Variants in PCDHGA6 observed in about 807,000 individuals in gnomAD.
The protein encoded by PCDHGA6 is protocadherin gamma subfamily A, 6, also known as protocadherin gamma-A6.
A neutral mutation model predicts 60.6 loss-of-function variants in PCDHGA6; 41 were observed. That is an observed-to-expected ratio of 0.68 (90% CI 0.53 to 0.88). The LOEUF (loss-of-function observed/expected upper bound fraction) is 0.88, where lower values mean the gene tolerates loss of function less well. PCDHGA6 is among the 40% of genes least tolerant of loss of function. The pLI, the probability that PCDHGA6 is intolerant of heterozygous loss-of-function variation, is 0.00. For missense variants in PCDHGA6, 1,312 were observed against 1,203.0 expected (o/e 1.09, Z -1.34); for synonymous variants, 594 against 524.4 (o/e 1.13, Z -1.81).
chr5:141,455,502 A>G (rs888549465), intron 1 of PCDHGA6, among the ~76,000 whole-genome samples: 12 of 152,206 alleles, frequency 7.9e-5, no homozygotes, highest in African/African-American at 2.7e-4. Flanking sequence ...TCTGATTTGC[A>G]TAGGGCTCAG....
rs188827871 is a variant in PCDHGA6, at chr5:141,405,107, T to G, written c.2424+28600T>G. 137 of 1,613,998 alleles carry G rather than the reference T, an allele frequency of 8.5e-5. No homozygotes were observed. The Middle Eastern group carries it at 1.3e-3, about 16-fold the overall frequency. On this transcript the variant is annotated intron_variant, in intron 1 of 3. Coordinates refer to ENST00000517434, the MANE Select transcript of PCDHGA6 (RefSeq NM_018919.3). ...GCTGCTGGCCCTCAGGCTGAGGCAC[T>G]GGCACTCCTCGCATCTGCTGCGGGC...
At chr5:141,398,496 C>G (rs1435117425) in intron 1 of PCDHGA6, 2 of 1,608,668 alleles carry the variant, frequency 1.2e-6, no homozygotes, top group Admixed American at 1.7e-5. Context: ...ATGTGGAGAT[C>G]GAGGACATTA....
intron 1 of PCDHGA6, chr5:141,385,874 A>G (rs1465622834): frequency 6.5e-6 from 1 of 153,030 alleles, no homozygotes; most frequent in Non-Finnish European, 1.5e-5. Context: ...GGTTGGATTT[A>G]TGCCTAAAGA....
chr5:141,496,215 T>C (rs2099767024), intron 2 of PCDHGA6, among the ~76,000 whole-genome samples: 3 of 152,114 alleles, frequency 2.0e-5, no homozygotes, highest in Non-Finnish European at 4.4e-5. Context: ...TATGAATTCC[T>C]GCTGAGACAG....
intron 1 of PCDHGA6, chr5:141,383,917 G>A: frequency 6.2e-7 from 1 of 1,613,928 alleles, no homozygotes; most frequent in Non-Finnish European, 8.5e-7. Flanking sequence ...AGTTTTAGAT[G>A]TAAATGATAA....
At chr5:141,380,772 CTT>C (rs1776732495) in intron 1 of PCDHGA6, among the ~76,000 whole-genome samples, 1 of 152,070 alleles carries the variant, frequency 6.6e-6, no homozygotes, top group Admixed American at 6.6e-5. Context: ...TTAATTGAGA[CTT>C]TTTTAAAACA....
Position 141,405,226 on chromosome 5 carries a change from C to A in PCDHGA6, c.2424+28719C>A, listed in dbSNP as rs756970325. ...TACAGACCTATTCTCAGGAGTTCTCCCTCACCGCTGACTCAAGGAAGAGTC... is the reference window on the plus strand; with the variant it reads ...TACAGACCTATTCTCAGGAGTTCTCACTCACCGCTGACTCAAGGAAGAGTC... On this transcript the variant is annotated intron_variant, in intron 1 of 3. Coordinates refer to ENST00000517434, the MANE Select transcript of PCDHGA6 (RefSeq NM_018919.3). 3.1e-6 allele frequency: 5 copies of A among 1,614,052 alleles called. No individual in the cohort carries two copies. The East Asian group carries it at 1.1e-4, about 36-fold the overall frequency.
At chr5:141,428,196 C>A in intron 1 of PCDHGA6, 2 of 1,383,704 alleles carry the variant, frequency 1.4e-6, no homozygotes, top group Non-Finnish European at 2.0e-6. Context: ...CCGCTCTCTG[C>A]GCCGCTACGC....
chr5:141,490,215 G>C lies in PCDHGA6; in HGVS notation c.2425-4592G>C. 6.2e-7 allele frequency: 1 copy of C among 1,614,254 alleles called. No individual in the cohort carries two copies. Among genetic ancestry groups the C allele is most frequent in the African/African-American group, 1.3e-5 (1 of 75,078 alleles). On this transcript the variant is annotated intron_variant, in intron 1 of 3. Coordinates refer to ENST00000517434, the MANE Select transcript of PCDHGA6 (RefSeq NM_018919.3). The surrounding 1 kb of genome is among the most constrained non-coding windows in gnomAD (Gnocchi z 5.4). ...AAATTCATGCAAGAGCCCGTGACCA[G>C]GGACAGCCTGCCATGGAGGGCCACT... is the stretch of plus-strand genomic sequence containing the variant.
chr5:141,433,592 T>C (rs1043652093), intron 1 of PCDHGA6, among the ~76,000 whole-genome samples: 5 of 152,020 alleles, frequency 3.3e-5, no homozygotes, highest in Non-Finnish European at 7.4e-5. Context: ...TCCCAGTACT[T>C]TGGGAGGCCG....
At chr5:141,412,067 G>A (rs1428018643) in intron 1 of PCDHGA6, 2 of 152,170 alleles carry the variant, frequency 1.3e-5, no homozygotes, top group Non-Finnish European at 2.9e-5. Context: ...TTGCATTTGA[G>A]GGAACAATTG....
rs768704302 is a variant in PCDHGA6 at position 141,383,259 on chromosome 5, C to A, written c.2424+6752C>A. On this transcript the variant is annotated intron_variant, in intron 1 of 3. Coordinates refer to ENST00000517434, the MANE Select transcript of PCDHGA6 (RefSeq NM_018919.3). ...ATAAAATGAATCTTTACCCTATAGA[C>A]GTGGAAATAATAGATATTAATGACA... The A allele has an allele frequency of 5.6e-6, 9 of 1,613,810 alleles. No individual in the cohort carries two copies. In the South Asian group the frequency reaches 6.6e-5, roughly 12 times the overall value.
chr5:141,374,056 T>A lies in PCDHGA6; in HGVS notation c.-28T>A. 6.7e-7 allele frequency: 1 copy of A among 1,485,728 alleles called. No individual in the cohort carries two copies. Among genetic ancestry groups the A allele is most frequent in the Non-Finnish European group, 8.9e-7 (1 of 1,119,034 alleles). The allele number at this position is 1,485,728 out of a possible 1,614,324, so 92.0% of individuals were successfully genotyped here. The stretch of plus-strand genomic sequence containing the variant: ...GCAGATCTGTTCTTCCTCTTCTTAA[T>A]CCCAGAGAAGTTCCTAATAAGCCAG... On this transcript the variant is annotated 5_prime_UTR_variant, in exon 1 of 4. Coordinates refer to ENST00000517434, the MANE Select transcript of PCDHGA6 (RefSeq NM_018919.3).
chr5:141,427,914 A>G (rs757621783), intron 1 of PCDHGA6: 123 of 1,576,802 alleles, frequency 7.8e-5, no homozygotes, highest in Non-Finnish European at 7.6e-5. Context: ...CAGCGCCAAC[A>G]TGAGCCGGCG....
At chr5:141,478,159 T>C (rs1456465606) in intron 1 of PCDHGA6, 2 of 1,614,064 alleles carry the variant, frequency 1.2e-6, no homozygotes, top group Admixed American at 1.7e-5. Flanking sequence ...CCTCTGGCTC[T>C]GCCCCCCGGG....
intron 1 of PCDHGA6, chr5:141,383,187 C>T (rs572411306): frequency 6.2e-7 from 1 of 1,614,076 alleles, no homozygotes; most frequent in Non-Finnish European, 8.5e-7. Flanking sequence ...AAGAGATCTG[C>T]GCTCAGAGTG....
rs1036281905 is a variant in PCDHGA6 at position 141,493,555 on chromosome 5, T to A, written c.2425-1252T>A. Among the ~76,000 whole-genome samples, 3 of 152,012 alleles carry A rather than the reference T, an allele frequency of 2.0e-5. No individual in the cohort carries two copies. ...GCCAGTTATCCTTTTGGAGATTGAG[T>A]TCCCCCAGCTCCGTTTCCTCCTATC... On this transcript the variant is annotated intron_variant, in intron 1 of 3. Transcript: ENST00000517434. The surrounding 1 kb of genome is among the most constrained non-coding windows in gnomAD (Gnocchi z 4.3).
intron 1 of PCDHGA6, chr5:141,377,873 T>C (rs1304157749): frequency 6.6e-6 from 1 of 152,196 alleles, no homozygotes; most frequent in Admixed American, 6.5e-5. Context: ...AGACTTCTCT[T>C]ATCAGAGATA....
rs1453419469 is a variant in PCDHGA6, at chr5:141,505,501, G to A, written c.2572+20G>A. On this transcript the variant is annotated intron_variant, in intron 3 of 3. Transcript: ENST00000517434. ...CCAGTGGTAAGTGGTGTCAGTGTGT[G>A]TATGGAAGAGTGGGAGACCTGGGGT... The A allele has an allele frequency of 1.2e-6, 2 of 1,614,156 alleles. No homozygotes were observed. Among genetic ancestry groups the A allele is most frequent in the Non-Finnish European group, 1.7e-6 (2 of 1,179,970 alleles).
Sources: gnomAD v4.1 joint callset for allele counts (sites outside exome capture counted in the v4.1 genomes callset) on GRCh38, gnomAD v4.1.1 for gene constraint, Gnocchi (gnomAD v3.1) non-coding constraint, MANE v1.5 for transcripts, NCBI Gene and HGNC (gene_info 2026-07-23, HGNC 2026-07-21) for gene names.